The following LRCH1 variants were observed in gnomAD, a reference collection of about 807,000 sequenced individuals.
LRCH1 encodes the protein leucine rich repeats and calponin homology domain containing 1, also known as leucine-rich repeat and calponin homology domain-containing protein 1.
A neutral mutation model predicts 94.9 loss-of-function variants in LRCH1; 23 were observed. That is an observed-to-expected ratio of 0.24 (90% CI 0.17 to 0.34). The LOEUF is 0.34. Among genes scored for constraint, LRCH1 ranks in the 10% least tolerant of loss-of-function variants. LRCH1 has a pLI of 1.00. For missense variants in LRCH1, 790 were observed against 945.9 expected, an observed-to-expected ratio of 0.84 and a Z score of 2.16; for synonymous variants, 364 against 354.9, an observed-to-expected ratio of 1.03 and a Z score of -0.29.
At chr13:46,620,127 C>T (rs2050863979) in intron 1 of LRCH1, among the ~76,000 whole-genome samples, 1 of 152,040 alleles carries the variant, frequency 6.6e-6, no homozygotes, top group South Asian at 2.1e-4. Context: ...GTATAGAGTC[C>T]AAACTCCTTC....
intron 1 of LRCH1, among the ~76,000 whole-genome samples, chr13:46,555,694 G>A (rs754312159): frequency 6.6e-6 from 1 of 152,186 alleles, no homozygotes; most frequent in Non-Finnish European, 1.5e-5. Flanking sequence ...GTATTATTTG[G>A]GGGAAGAGGA....
rs140606719 is a variant in LRCH1, at chr13:46,743,902, G to A, written c.*2054G>A. 452 of 985,330 alleles carry A rather than the reference G, an allele frequency of 4.6e-4. 2 individuals are homozygous for A. The African/African-American group carries it at 7.3e-3, about 16-fold the overall frequency. 61.0% of individuals were successfully genotyped at this position (985,330 alleles called of 1,614,324 possible). Reference sequence around the variant, plus strand: ...TTATATTTTAATTCTGGCATCCAAAGTATTCTTTGGACGCACTTTGATTTT... The same window carrying A: ...TTATATTTTAATTCTGGCATCCAAAATATTCTTTGGACGCACTTTGATTTT... On this transcript the variant is annotated 3_prime_UTR_variant, in exon 20 of 20. Coordinates refer to ENST00000389797, the MANE Select transcript of LRCH1 (RefSeq NM_001164211.2).
chr13:46,681,767 G>A lies in LRCH1; in HGVS notation c.606G>A (p.Ala202=), dbSNP rs17069216. The A allele has an allele frequency of 7.5e-3, 12,037 of 1,613,458 alleles. 445 individuals carry two copies. In the Admixed American group the frequency reaches 0.087, roughly 12 times the overall value. Residue 202 remains alanine (A), a synonymous_variant, in exon 4 of 20, where the codon GCG becomes GCA. Transcript: ENST00000389797. ...ATGTCAGCTGCAACGAGATCACAGC[G>A]TTGCCCCAGCAGATAGGTCAGTTGA... ...ELDVSCNEIT[A]LPQQIGQLKS... is the part of the protein sequence containing the mutation.
At chr13:46,726,862 CAAAAAAAAAAAA>C (rs71077918) in intron 17 of LRCH1, among the ~76,000 whole-genome samples, 3 of 78,004 alleles carry the variant, frequency 3.8e-5, no homozygotes, top group African/African-American at 5.5e-5. Context: ...AGAGCAGTGT[CAAAAAAAAAAAA>C]AAAAAAAAAA....
chr13:46,648,934 TAA>T lies in LRCH1; in HGVS notation c.308-1266_308-1265del, dbSNP rs201751588. Among the ~76,000 whole-genome samples, 1,073 of 152,310 alleles carry T rather than the reference TAA, an allele frequency of 7.0e-3. 19 individuals are homozygous for T. Among genetic ancestry groups the T allele is most frequent in the African/African-American group, 0.024 (1,010 of 41,550 alleles). Reference sequence around the variant, plus strand: ...ATATCATTTCACTTTGGTCTATTTATAAGGTGAATTGTTTTGATAGTATAAGA... The same window carrying T: ...ATATCATTTCACTTTGGTCTATTTATGGTGAATTGTTTTGATAGTATAAGA... On this transcript the variant is annotated intron_variant, in intron 1 of 19. Coordinates refer to ENST00000389797, the MANE Select transcript of LRCH1 (RefSeq NM_001164211.2).
intron 13 of LRCH1, among the ~76,000 whole-genome samples, chr13:46,707,083 G>A (rs1871802342): frequency 6.6e-6 from 1 of 152,172 alleles, no homozygotes; most frequent in African/African-American, 2.4e-5. Flanking sequence ...CTCCAAATTT[G>A]TGAGTTAATC....
At chr13:46,643,127 A>G (rs1477831361) in intron 1 of LRCH1, among the ~76,000 whole-genome samples, 1 of 152,172 alleles carries the variant, frequency 6.6e-6, no homozygotes, top group Non-Finnish European at 1.5e-5. Flanking sequence ...ACCCTACTGT[A>G]CCTTTTCACA....
Position 46,638,151 on chromosome 13 carries a change from A to G in LRCH1, c.308-12050A>G. 3.9e-5 allele frequency among the ~76,000 whole-genome samples: 6 copies of G among 152,348 alleles called. 1 individual carries two copies. The Middle Eastern group carries it at 0.02, about 518-fold the overall frequency. On this transcript the variant is annotated intron_variant, in intron 1 of 19. Coordinates refer to ENST00000389797, the MANE Select transcript of LRCH1 (RefSeq NM_001164211.2). Reference sequence around the variant, plus strand: ...TTATACATATAAAATATTTGTGACAAATATAGTATTTGTATTATATACAAG... The same window carrying G: ...TTATACATATAAAATATTTGTGACAGATATAGTATTTGTATTATATACAAG...
intron 11 of LRCH1, among the ~76,000 whole-genome samples, chr13:46,702,204 G>T (rs1593363305): frequency 6.6e-6 from 1 of 151,768 alleles, no homozygotes; most frequent in African/African-American, 2.4e-5. Flanking sequence ...GCCTTGAGAA[G>T]TTATAAGTGT....
At chr13:46,634,882 A>C (rs2051064557) in intron 1 of LRCH1, among the ~76,000 whole-genome samples, 1 of 152,172 alleles carries the variant, frequency 6.6e-6, no homozygotes, top group Non-Finnish European at 1.5e-5. Flanking sequence ...CCACGTAGTC[A>C]GTGTGAGCCT....
chr13:46,609,306 ACATTCTT>A (rs2137998997), intron 1 of LRCH1, among the ~76,000 whole-genome samples: 1 of 152,284 alleles, frequency 6.6e-6, no homozygotes, highest in Non-Finnish European at 1.5e-5. Flanking sequence ...CAAAGCATCT[ACATTCTT>A]CATTCTTAGG....
rs1593348632 is a variant in LRCH1, at chr13:46,681,798, C to T, written c.637C>T (p.Leu213=). 3.7e-6 allele frequency: 6 copies of T among 1,613,518 alleles called. No individual in the cohort carries two copies. Among genetic ancestry groups the T allele is most frequent in the Non-Finnish European group, 5.1e-6 (6 of 1,179,706 alleles). The part of the protein sequence containing the change: ...LPQQIGQLKS[L]RELNVRRNYL... ...CCAGCAGATAGGTCAGTTGAAATCT[C>T]TACGAGAACTGAATGTCAGAAGAAA... The change falls in exon 4 of 20, where the codon CTA becomes TTA. Residue 213 remains leucine (L), a synonymous_variant. Transcript: ENST00000389797.
intron 1 of LRCH1, among the ~76,000 whole-genome samples, chr13:46,622,073 T>C (rs1412594131): frequency 6.6e-6 from 1 of 152,216 alleles, no homozygotes; most frequent in Non-Finnish European, 1.5e-5. Flanking sequence ...AAATCAGTCT[T>C]GAATAAACTG....
At chr13:46,664,237 A>C (rs1415712808) in intron 2 of LRCH1, among the ~76,000 whole-genome samples, 2 of 152,218 alleles carry the variant, frequency 1.3e-5, no homozygotes, top group African/African-American at 4.8e-5. Flanking sequence ...ACAATAAGTA[A>C]AATTAATAAA....
chr13:46,590,093 A>C (rs1160551232), intron 1 of LRCH1, among the ~76,000 whole-genome samples: 3 of 152,116 alleles, frequency 2.0e-5, no homozygotes, highest in African/African-American at 7.2e-5. Flanking sequence ...TTTTTTGGGA[A>C]GATGAGGTAG....
rs764820450 is a variant in LRCH1 at position 46,728,890 on chromosome 13, G to T, written c.1913G>T (p.Gly638Val). ...RLKVSLHEDL[G>V]AALMDGVVLC... ...AAGGTCAGTCTACACGAAGACCTGG[G>T]GGCAGCCCTCATGGATGGTGTCGTC... Residue 638 changes from glycine (G) to valine (V), a missense_variant, in exon 18 of 20, where the codon GGG becomes GTG. This residue lies in a region of LRCH1 where 460 missense variants were observed against 508.9 expected (regional missense o/e 0.90). Coordinates refer to ENST00000389797, the MANE Select transcript of LRCH1 (RefSeq NM_001164211.2). The T allele has an allele frequency of 5.6e-6, 9 of 1,613,320 alleles. 1 individual carries two copies. In the South Asian group the frequency reaches 9.9e-5, roughly 18 times the overall value.
intron 1 of LRCH1, among the ~76,000 whole-genome samples, chr13:46,575,364 A>C (rs1351704813): frequency 6.6e-6 from 1 of 152,146 alleles, no homozygotes; most frequent in Non-Finnish European, 1.5e-5. Context: ...TGATTATCTA[A>C]ATAAAGAGCT....
chr13:46,619,760 G>A (rs2050859684), intron 1 of LRCH1, among the ~76,000 whole-genome samples: 1 of 152,196 alleles, frequency 6.6e-6, no homozygotes. Flanking sequence ...GGTGGTTGTT[G>A]TTGTTTGGAA....
chr13:46,576,316 AT>A (rs1566152546), intron 1 of LRCH1, among the ~76,000 whole-genome samples: 1 of 152,112 alleles, frequency 6.6e-6, no homozygotes, highest in East Asian at 1.9e-4. Flanking sequence ...TCTTGTTCTA[AT>A]TTTTTTCCGT....
Sources: allele counts gnomAD v4.1 joint callset (sites outside exome capture counted in the v4.1 genomes callset), GRCh38; gene constraint gnomAD v4.1.1; regional missense constraint gnomAD v4.1.1; transcripts MANE v1.5; gene names NCBI Gene and HGNC (gene_info 2026-07-23, HGNC 2026-07-21).